Variants in CNTN6 observed in about 807,000 individuals in gnomAD.
CNTN6 encodes contactin-6.
Under a neutral mutation model 122.8 loss-of-function variants are expected in CNTN6, and 137 were observed. That is an observed-to-expected ratio of 1.12 (90% CI 0.97 to 1.29). The LOEUF (loss-of-function observed/expected upper bound fraction) is 1.29. Ranked by LOEUF, CNTN6 falls within the 50% of genes most tolerant of loss-of-function variation. The pLI, the probability that CNTN6 is intolerant of heterozygous loss-of-function variation, is 0.00. For synonymous variants in CNTN6, 570 were observed against 426.0 expected (o/e 1.34, Z -4.16); for missense variants, 1,634 against 1,223.4 (o/e 1.34, Z -5.01).
At chr3:1,167,546 C>A (rs756714448) in intron 2 of CNTN6, among the ~76,000 whole-genome samples, 1 of 152,144 alleles carries the variant, frequency 6.6e-6, no homozygotes, top group Non-Finnish European at 1.5e-5. Flanking sequence ...AACAGCCATA[C>A]GACATTTCCT....
At chr3:1,350,112 C>T (rs990602266) in intron 11 of CNTN6, among the ~76,000 whole-genome samples, 1 of 151,714 alleles carries the variant, frequency 6.6e-6, no homozygotes, top group African/African-American at 2.4e-5. Flanking sequence ...AAAAAATTTT[C>T]AGATTAAAGT....
intron 2 of CNTN6, among the ~76,000 whole-genome samples, chr3:1,211,818 C>A (rs1270298641): frequency 1.3e-5 from 2 of 152,138 alleles, no homozygotes; most frequent in Non-Finnish European, 2.9e-5. Flanking sequence ...TATCTAAATT[C>A]TTGGGAGAGA....
intron 5 of CNTN6, among the ~76,000 whole-genome samples, chr3:1,290,367 A>T (rs1478418462): frequency 1.3e-5 from 2 of 152,180 alleles, no homozygotes; most frequent in Non-Finnish European, 2.9e-5. Flanking sequence ...AGTGAGGAAC[A>T]TTTGTCTTAG....
intron 21 of CNTN6, 132 bp from the exon 22 acceptor site, chr3:1,402,186 A>G (rs1695800184): frequency 3.2e-6 from 2 of 623,214 alleles, no homozygotes; most frequent in Non-Finnish European, 5.0e-6. Flanking sequence ...AAAAGACATC[A>G]CTTGGATATT....
rs2126155865 is a variant in CNTN6 at position 1,376,992 on chromosome 3, T to C, written c.2096-13T>C. The C allele has an allele frequency of 6.4e-7, 1 of 1,574,352 alleles. No individual in the cohort carries two copies. The highest frequency in any genetic ancestry group is 8.6e-7 in the Non-Finnish European group (1 of 1,157,242). The stretch of plus-strand genomic sequence containing the variant: ...AATAATTGCCATCCCACATTTCTCT[T>C]GGTTATTTTTAGTCCCTGTTGTGGC... On this transcript the variant is annotated splice_polypyrimidine_tract_variant and intron_variant, in intron 16 of 22. Coordinates refer to ENST00000446702, the MANE Select transcript of CNTN6 (RefSeq NM_001289080.2).
At chr3:1,356,701 C>A (rs1018185938) in intron 12 of CNTN6, among the ~76,000 whole-genome samples, 10 of 151,786 alleles carry the variant, frequency 6.6e-5, no homozygotes, top group African/African-American at 2.4e-4. Context: ...TAAAATCTCC[C>A]CAAAAATGTT....
In CNTN6 at chr3:1,272,268, T is replaced by C. The variant is rs144390214; in HGVS notation, c.359-6145T>C. On this transcript the variant is annotated intron_variant, in intron 4 of 22. Transcript: ENST00000446702. ...AAAATTGACTAATACTCAAACTCTC[T>C]TTTTCAACCTTATCTGGACACATAG... is the stretch of plus-strand genomic sequence containing the variant. 3.3e-5 allele frequency among the ~76,000 whole-genome samples: 5 copies of C among 152,326 alleles called. No homozygotes were observed. The East Asian group carries it at 9.7e-4, about 29-fold the overall frequency.
intron 4 of CNTN6, among the ~76,000 whole-genome samples, chr3:1,265,057 T>TTTTC: frequency 6.6e-6 from 1 of 151,060 alleles, no homozygotes; most frequent in African/African-American, 2.4e-5. Context: ...TTTTTTTTTT[T>TTTTC]TTTTTTGGCT....
chr3:1,216,489 A>G (rs1024126252), intron 2 of CNTN6, among the ~76,000 whole-genome samples: 4 of 152,218 alleles, frequency 2.6e-5, no homozygotes, highest in Admixed American at 6.5e-5. Flanking sequence ...TTGTACTTAC[A>G]ACGTCTCACA....
intron 2 of CNTN6, among the ~76,000 whole-genome samples, chr3:1,159,683 C>G (rs1047007627): frequency 3.3e-5 from 5 of 151,528 alleles, no homozygotes; most frequent in Non-Finnish European, 7.4e-5. Flanking sequence ...AACAATTAAT[C>G]TATATAAAAA....
chr3:1,108,376 A>C (rs1017233866), intron 1 of CNTN6, among the ~76,000 whole-genome samples: 3 of 152,080 alleles, frequency 2.0e-5, no homozygotes, highest in African/African-American at 7.2e-5. Context: ...TATACATATA[A>C]CCTGAATGCA....
At chr3:1,311,509 A>T (rs1056410890) in intron 7 of CNTN6, among the ~76,000 whole-genome samples, 1 of 139,338 alleles carries the variant, frequency 7.2e-6, no homozygotes, top group Non-Finnish European at 1.6e-5. Context: ...GTACATATAA[A>T]ATGTCTTTAT....
rs548921230 is a variant in CNTN6 at position 1,190,129 on chromosome 3, T to A, written c.56-30558T>A. On this transcript the variant is annotated intron_variant, in intron 2 of 22. Transcript: ENST00000446702. ...AGACGGCAGCCTTCTCACTGCATCC[T>A]CACATGGCCTTTCCTGTGTGTTTGC... Among the ~76,000 whole-genome samples, 7 of 152,224 alleles carry A rather than the reference T, an allele frequency of 4.6e-5. No homozygotes were observed. In the East Asian group the frequency reaches 1.4e-3, roughly 30 times the overall value.
At chr3:1,157,483 C>G (rs947449595) in intron 2 of CNTN6, among the ~76,000 whole-genome samples, 1 of 152,152 alleles carries the variant, frequency 6.6e-6, no homozygotes, top group Non-Finnish European at 1.5e-5. Flanking sequence ...TCCCAAAGTG[C>G]TGGGATTACA....
chr3:1,186,396 G>A (rs765686853), intron 2 of CNTN6, among the ~76,000 whole-genome samples: 1 of 151,790 alleles, frequency 6.6e-6, no homozygotes, highest in African/African-American at 2.4e-5. Context: ...ACTTATGAGA[G>A]AAAATGACCT....
intron 4 of CNTN6, among the ~76,000 whole-genome samples, chr3:1,260,356 C>G (rs1284957826): frequency 1.3e-5 from 2 of 152,048 alleles, no homozygotes; most frequent in Non-Finnish European, 2.9e-5. Context: ...AACATAACAC[C>G]TCTTAGTGTC....
intron 1 of CNTN6, among the ~76,000 whole-genome samples, chr3:1,139,260 T>C (rs929214814): frequency 2.0e-5 from 3 of 152,152 alleles, no homozygotes; most frequent in African/African-American, 7.2e-5. Flanking sequence ...ATCTCTGCTT[T>C]AGTCATTAGT....
rs200846134 is a variant in CNTN6, at chr3:1,384,798, C to T, written c.2518-813C>T. 5.0e-4 allele frequency among the ~76,000 whole-genome samples: 61 copies of T among 121,272 alleles called. 1 individual carries two copies. The highest frequency in any genetic ancestry group is 2.9e-3 in the East Asian group (10 of 3,450). The allele number at this position is 121,272 out of a possible 152,430, so 79.6% of individuals were successfully genotyped here. ...ATATATATATATATATATATATATACACACACACACACACATATATATATA... is the reference window on the plus strand; with the variant it reads ...ATATATATATATATATATATATATATACACACACACACACATATATATATA... On this transcript the variant is annotated intron_variant, in intron 19 of 22. Coordinates refer to ENST00000446702, the MANE Select transcript of CNTN6 (RefSeq NM_001289080.2).
chr3:1,171,179 C>T lies in CNTN6; in HGVS notation c.55+23116C>T, dbSNP rs73818461. Reference sequence around the variant, plus strand: ...AATGTCTACTTCTTAATGCTATGAGCTAAATATTCAATGTTAAAATGGACA... The same window carrying T: ...AATGTCTACTTCTTAATGCTATGAGTTAAATATTCAATGTTAAAATGGACA... On this transcript the variant is annotated intron_variant, in intron 2 of 22. Transcript: ENST00000446702. Among the ~76,000 whole-genome samples, 971 of 152,204 alleles carry T rather than the reference C, an allele frequency of 6.4e-3. 11 individuals carry two copies. The highest frequency in any genetic ancestry group is 0.022 in the African/African-American group (929 of 41,518).
Sources: gnomAD v4.1 joint callset for allele counts (sites outside exome capture counted in the v4.1 genomes callset) on GRCh38, gnomAD v4.1.1 for gene constraint, MANE v1.5 for transcripts, NCBI Gene and HGNC (gene_info 2026-07-23, HGNC 2026-07-21) for gene names.